Variants in MLX observed in about 807,000 individuals in gnomAD.
MLX encodes max-like protein X.
A neutral mutation model predicts 33.0 loss-of-function variants in MLX; 15 were observed. The ratio of observed to expected loss-of-function variants is 0.45; its 90% CI spans 0.30 to 0.70. The LOEUF (loss-of-function observed/expected upper bound fraction) is 0.70, where lower values mean the gene tolerates loss of function less well. Ranked by LOEUF, MLX falls within the 30% of genes least tolerant of loss-of-function variation. The probability of loss-of-function intolerance (pLI) is 0.07; values close to 1 mark genes in which losing one functional copy is unlikely to be tolerated. For missense variants in MLX, 285 were observed against 306.3 expected (o/e 0.93, Z 0.52); for synonymous variants, 115 against 115.6 (o/e 0.99, Z 0.03).
At chr17:42,568,592 G>A (rs372463522) in intron 3 of MLX, 33 bp downstream of exon 3, 5 of 1,566,612 alleles carry the variant, frequency 3.2e-6, no homozygotes, top group Non-Finnish European at 4.4e-6. Context: ...ACCTCGGGGG[G>A]CTCAGATATG....
At position 42,570,163 on chromosome 17, in the gene MLX, G is replaced by C; in HGVS notation, c.658G>C (p.Glu220Gln). ...ELSACVFSWI[E>Q]EHCKPQTLRE... The stretch of plus-strand genomic sequence containing the variant: ...GTCAGCGTGTGTCTTCAGCTGGATC[G>C]AGGAGCACTGTAAGCCTCAGGTATG... The change falls in exon 7 of 8, where the codon GAG becomes CAG. Residue 220 changes from glutamate to glutamine, a missense_variant. Transcript: ENST00000435881. 6.2e-7 allele frequency: 1 copy of C among 1,613,854 alleles called. No homozygotes were observed. The highest frequency in any genetic ancestry group is 8.5e-7 in the Non-Finnish European group (1 of 1,180,032).
chr17:42,573,169 G>C lies in MLX; in HGVS notation c.*1566G>C. The C allele has an allele frequency of 6.2e-7, 1 of 1,614,208 alleles. No homozygotes were observed. ...ATTGCATCAGACAGCTCTGTAGCCTGACAAGAAATAAAACCACCCGTTTTC... is the reference window on the plus strand; with the variant it reads ...ATTGCATCAGACAGCTCTGTAGCCTCACAAGAAATAAAACCACCCGTTTTC... On this transcript the variant is annotated 3_prime_UTR_variant, in exon 8 of 8. Coordinates refer to ENST00000435881, the MANE Select transcript of MLX (RefSeq NM_198204.2).
At chr17:42,568,645 T>G (rs926584329) in intron 3 of MLX, 86 bp downstream of exon 3, 1 of 1,339,452 alleles carries the variant, frequency 7.5e-7, no homozygotes, top group Non-Finnish European at 1.1e-6. Flanking sequence ...GCCCCAGCCA[T>G]CCACACAGGG....
intron 2 of MLX, 80 bp from the exon 3 acceptor site, chr17:42,568,390 C>T (rs2093017542): frequency 1.1e-6 from 1 of 910,422 alleles, no homozygotes; most frequent in Non-Finnish European, 1.7e-6. Context: ...TAAAAGAAAG[C>T]CATTGTGTCC....
chr17:42,571,840 T>C lies in MLX; in HGVS notation c.*237T>C. ...GATAAAACTCAAACCTACCCAGCCT[T>C]CCCCCCACTCCATGGAAGTCCTTGG... On this transcript the variant is annotated 3_prime_UTR_variant, in exon 8 of 8. Transcript: ENST00000435881. 1.9e-6 allele frequency: 1 copy of C among 532,524 alleles called. No individual in the cohort carries two copies. Among genetic ancestry groups the C allele is most frequent in the Non-Finnish European group, 3.4e-6 (1 of 295,082 alleles). The allele number at this position is 532,524 out of a possible 1,614,324, so 33.0% of individuals were successfully genotyped here.
Position 42,572,911 on chromosome 17 carries a change from A to G in MLX, c.*1308A>G, listed in dbSNP as rs1488293660. 2.5e-6 allele frequency: 4 copies of G among 1,591,908 alleles called. No homozygotes were observed. The highest frequency in any genetic ancestry group is 3.3e-5 in the Admixed American group (2 of 59,998). On this transcript the variant is annotated 3_prime_UTR_variant, in exon 8 of 8. Transcript: ENST00000435881. ...CAACCAAAAACAAGGTAGCCAGTGC[A>G]AGACATCTCACTCTTCTGACATCCT...
intron 6 of MLX, 54 bp from the exon 7 acceptor site, chr17:42,569,928 T>C: frequency 6.5e-7 from 1 of 1,536,348 alleles, no homozygotes. Context: ...CCGTCATTCT[T>C]CTTGGGTGGG....
intron 1 of MLX, 43 bp downstream of exon 1, chr17:42,567,209 C>A: frequency 7.7e-7 from 1 of 1,302,214 alleles, no homozygotes; most frequent in Non-Finnish European, 9.8e-7. Flanking sequence ...GAGGGCGGGT[C>A]GGGCTCGTGC....
rs756994228 is a variant in MLX at position 42,572,833 on chromosome 17, G to A, written c.*1230G>A. On this transcript the variant is annotated 3_prime_UTR_variant, in exon 8 of 8. Transcript: ENST00000435881. ...CTACCCAGTGCTCTGGTTTATGCTT[G>A]TCTCCTGACTGCTCTGCTTAAAGGT... The A allele has an allele frequency of 7.5e-6, 8 of 1,067,648 alleles. No homozygotes were observed. The East Asian group carries it at 2.0e-4, about 26-fold the overall frequency. 66.1% of individuals were successfully genotyped at this position (1,067,648 alleles called of 1,614,324 possible). A position where few individuals can be genotyped will look rare whatever the true frequency, so the allele number is the denominator to read the frequency against.
chr17:42,567,254 C>G (rs765662123), intron 1 of MLX, 88 bp downstream of exon 1: 61 of 1,336,802 alleles, frequency 4.6e-5, no homozygotes, highest in Non-Finnish European at 5.8e-5. Flanking sequence ...GGCTTCCCTC[C>G]TGTCCCCAAA....
At position 42,568,891 on chromosome 17, in the gene MLX, G is replaced by A. The variant is rs143700523; in HGVS notation, c.224G>A (p.Arg75Gln). The stretch of plus-strand genomic sequence containing the variant: ...GCCTACAAGGAGTCCTACAAAGACC[G>A]GCGGCGGCGCGCACACACTCAGGCT... ...QEAYKESYKD[R>Q]RRRAHTQAEQ... The change falls in exon 4 of 8, where the codon CGG (arginine) becomes CAG (glutamine). Residue 75 changes from arginine to glutamine, a missense_variant. Arg to Gln is a conservative substitution (Grantham distance 43). Transcript: ENST00000435881. The A allele has an allele frequency of 5.6e-6, 9 of 1,611,704 alleles. No individual in the cohort carries two copies. Among genetic ancestry groups the A allele is most frequent in the African/African-American group, 1.3e-5 (1 of 74,946 alleles).
Position 42,572,587 on chromosome 17 carries a change from C to A in MLX, c.*984C>A. 1 of 453,184 alleles carries A rather than the reference C, an allele frequency of 2.2e-6. No individual in the cohort carries two copies. Among genetic ancestry groups the A allele is most frequent in the Non-Finnish European group, 4.4e-6 (1 of 226,216 alleles). The allele number at this position is 453,184 out of a possible 1,614,324, so 28.1% of individuals were successfully genotyped here. A position where few individuals can be genotyped will look rare whatever the true frequency, so the allele number is the denominator to read the frequency against. On this transcript the variant is annotated 3_prime_UTR_variant, in exon 8 of 8. Coordinates refer to ENST00000435881, the MANE Select transcript of MLX (RefSeq NM_198204.2). Reference sequence around the variant, plus strand: ...TCGTTTTATAGCAACCTCTCTCTACCCTAGTTCTCCAAATTCACTTCTGCC... The same window carrying A: ...TCGTTTTATAGCAACCTCTCTCTACACTAGTTCTCCAAATTCACTTCTGCC...
intron 1 of MLX, 199 bp downstream of exon 1, chr17:42,567,365 G>A (rs2093012275): frequency 7.1e-7 from 1 of 1,401,300 alleles, no homozygotes; most frequent in Non-Finnish European, 9.3e-7. Flanking sequence ...CGCGAGTCGG[G>A]GGAACGGGGC....
chr17:42,567,585 G>T, intron 1 of MLX, 34 bp from the exon 2 acceptor site: 1 of 1,613,772 alleles, frequency 6.2e-7, no homozygotes, highest in South Asian at 1.1e-5. Flanking sequence ...AGGGGCGGAG[G>T]TCTGACGGGC....
Position 42,572,560 on chromosome 17 carries a change from G to A in MLX, c.*957G>A, listed in dbSNP as rs758758619. 4.4e-6 allele frequency: 2 copies of A among 453,122 alleles called. No individual in the cohort carries two copies. The highest frequency in any genetic ancestry group is 4.4e-6 in the Non-Finnish European group (1 of 226,390). The allele number at this position is 453,122 out of a possible 1,614,324, so 28.1% of individuals were successfully genotyped here. On this transcript the variant is annotated 3_prime_UTR_variant, in exon 8 of 8. Transcript: ENST00000435881. ...GAGTGAAGCCGTGGGCCCTCCAAATGCTCGTTTTATAGCAACCTCTCTCTA... is the reference window on the plus strand; with the variant it reads ...GAGTGAAGCCGTGGGCCCTCCAAATACTCGTTTTATAGCAACCTCTCTCTA...
chr17:42,569,533 AAGG>A lies in MLX; in HGVS notation c.406_408del (p.Glu136del). ...CATTGACTACATTCAGTTTTTGCAC[AAGG>A]AGAAGAAAAAGCAGGAGGAGGAGGT... On this transcript the variant is annotated inframe_deletion, in exon 6 of 8. Transcript: ENST00000435881. 6 of 1,614,020 alleles carry A rather than the reference AAGG, an allele frequency of 3.7e-6. No individual in the cohort carries two copies. The highest frequency in any genetic ancestry group is 5.1e-6 in the Non-Finnish European group (6 of 1,179,990).
intron 2 of MLX, 67 bp downstream of exon 2, chr17:42,567,722 C>T (rs1314145840): frequency 3.1e-6 from 5 of 1,604,618 alleles, no homozygotes; most frequent in Non-Finnish European, 4.3e-6. Flanking sequence ...ATTCTTGTGG[C>T]GTTGCCAACC....
At chr17:42,571,298 T>G (rs1402227704) in intron 7 of MLX, among the ~76,000 whole-genome samples, 1 of 152,056 alleles carries the variant, frequency 6.6e-6, no homozygotes. Flanking sequence ...CCACCACACC[T>G]AATTTTTGTA....
chr17:42,567,247 T>C (rs2093011691), intron 1 of MLX, 81 bp downstream of exon 1: 3 of 1,323,496 alleles, frequency 2.3e-6, no homozygotes. Context: ...GACGAGGGGC[T>C]TCCCTCCTGT....
Sources: allele counts gnomAD v4.1 joint callset (sites outside exome capture counted in the v4.1 genomes callset), GRCh38; gene constraint gnomAD v4.1.1; transcripts MANE v1.5; gene names NCBI Gene and HGNC (gene_info 2026-07-23, HGNC 2026-07-21).